The following CORIN variants were observed in gnomAD, a reference collection of about 807,000 sequenced individuals.
CORIN encodes corin, serine peptidase.
A neutral mutation model predicts 125.3 loss-of-function variants in CORIN; 117 were observed. The observed-to-expected ratio is 0.93, with a 90% CI of 0.80 to 1.09. CORIN has a LOEUF of 1.09. Among genes scored for constraint, CORIN ranks in the 50% least tolerant of loss-of-function variants. CORIN has a pLI of 0.00. For synonymous variants in CORIN, 450 were observed against 466.4 expected, an observed-to-expected ratio of 0.96 and a Z score of 0.45; for missense variants, 1,253 against 1,306.7, an observed-to-expected ratio of 0.96 and a Z score of 0.63.
chr4:47,719,701 G>T (rs916420969), intron 5 of CORIN, among the ~76,000 whole-genome samples: 11 of 152,138 alleles, frequency 7.2e-5, no homozygotes, highest in Non-Finnish European at 1.6e-4. Context: ...CTCTATTCAA[G>T]TTATACTCAG....
At chr4:47,744,373 T>C (rs1697683676) in intron 5 of CORIN, 29 bp downstream of exon 5, 1 of 1,599,664 alleles carries the variant, frequency 6.3e-7, no homozygotes, top group Non-Finnish European at 8.5e-7. Flanking sequence ...TAAAATCTTC[T>C]AAAAATGAAA....
In CORIN at chr4:47,605,037, TC is replaced by T. The variant is rs34293331; in HGVS notation, c.2541-1370del. ...GAGCATCCTCAACTCAGGAGCTATT[TC>T]CCCTGATGTTCCCCCAGCTCTCACA... is the stretch of plus-strand genomic sequence containing the variant. On this transcript the variant is annotated intron_variant, in intron 19 of 21. Transcript: ENST00000273857. Among the ~76,000 whole-genome samples, 90 of 152,226 alleles carry T rather than the reference TC, an allele frequency of 5.9e-4. 1 individual carries two copies. The highest frequency in any genetic ancestry group is 3.4e-3 in the Middle Eastern group (1 of 294).
At chr4:47,665,648 T>C (rs1724447338) in intron 10 of CORIN, among the ~76,000 whole-genome samples, 1 of 152,216 alleles carries the variant, frequency 6.6e-6, no homozygotes, top group Non-Finnish European at 1.5e-5. Context: ...ATCTTCACTG[T>C]CACTAAACTA....
At chr4:47,723,491 T>C (rs1474365587) in intron 5 of CORIN, among the ~76,000 whole-genome samples, 1 of 152,148 alleles carries the variant, frequency 6.6e-6, no homozygotes, top group Non-Finnish European at 1.5e-5. Flanking sequence ...CAGAGAGCAC[T>C]ACAAAGGCTT....
At chr4:47,669,785 G>A (rs113857429) in intron 10 of CORIN, among the ~76,000 whole-genome samples, 7,212 of 152,118 alleles carry the variant, frequency 0.047, 250 homozygotes, top group Non-Finnish European at 0.068. Flanking sequence ...TAGCCAGGAT[G>A]GTCTCAATTT....
chr4:47,645,279 TA>T, intron 13 of CORIN, 85 bp from the exon 14 acceptor site: 1 of 863,754 alleles, frequency 1.2e-6, no homozygotes. Flanking sequence ...AATTACGCTA[TA>T]AAGGCATGAT....
intron 3 of CORIN, among the ~76,000 whole-genome samples, chr4:47,779,214 C>G (rs906659092): frequency 1.3e-5 from 2 of 152,162 alleles, no homozygotes; most frequent in African/African-American, 4.8e-5. Context: ...CGCCTGTATT[C>G]CCAGCACTTT....
chr4:47,732,225 A>C (rs1036712778), intron 5 of CORIN, among the ~76,000 whole-genome samples: 1 of 152,202 alleles, frequency 6.6e-6, no homozygotes, highest in African/African-American at 2.4e-5. Context: ...GAGGGTGGCC[A>C]GGGCAGTGAC....
intron 1 of CORIN, among the ~76,000 whole-genome samples, chr4:47,832,199 A>G (rs753500537): frequency 6.6e-6 from 1 of 152,168 alleles, no homozygotes; most frequent in Non-Finnish European, 1.5e-5. Flanking sequence ...AGAACAATAC[A>G]TAAGCAAAAT....
intron 5 of CORIN, among the ~76,000 whole-genome samples, chr4:47,740,821 T>G (rs1728360622): frequency 6.6e-6 from 1 of 151,976 alleles, no homozygotes; most frequent in Non-Finnish European, 1.5e-5. Context: ...CAATTGTTTT[T>G]TAACAAGGGG....
At chr4:47,821,085 A>T (rs1732489215) in intron 1 of CORIN, among the ~76,000 whole-genome samples, 1 of 152,042 alleles carries the variant, frequency 6.6e-6, no homozygotes, top group Admixed American at 6.5e-5. Context: ...AAATACAAAA[A>T]TTAGCCAGAT....
At chr4:47,600,653 C>T (rs1351029831) in intron 20 of CORIN, among the ~76,000 whole-genome samples, 1 of 152,056 alleles carries the variant, frequency 6.6e-6, no homozygotes, top group Non-Finnish European at 1.5e-5. Context: ...ACAATAGCTA[C>T]TACAAAGAAA....
chr4:47,641,680 C>T (rs1723235538), intron 16 of CORIN, among the ~76,000 whole-genome samples: 2 of 152,160 alleles, frequency 1.3e-5, no homozygotes, highest in African/African-American at 4.8e-5. Flanking sequence ...TGCAGAAGTA[C>T]TTAAAATACA....
intron 8 of CORIN, chr4:47,679,835 T>C (rs1407727170): frequency 4.6e-6 from 1 of 217,244 alleles, no homozygotes; most frequent in Admixed American, 5.7e-5. Flanking sequence ...GCATCACCTT[T>C]GACAAAGTCA....
intron 5 of CORIN, among the ~76,000 whole-genome samples, chr4:47,731,051 A>G (rs1434938992): frequency 6.6e-6 from 1 of 152,198 alleles, no homozygotes; most frequent in Non-Finnish European, 1.5e-5. Context: ...TTGACAGTTG[A>G]ACCACTAAAA....
chr4:47,660,026 G>T (rs907441696), intron 12 of CORIN, among the ~76,000 whole-genome samples: 2 of 152,044 alleles, frequency 1.3e-5, no homozygotes, highest in African/African-American at 4.8e-5. Context: ...ACTGAGAAAA[G>T]AACTCATACA....
chr4:47,764,677 T>C (rs141160824), intron 3 of CORIN, among the ~76,000 whole-genome samples: 5 of 152,324 alleles, frequency 3.3e-5, no homozygotes, highest in African/African-American at 9.6e-5. Context: ...ACCTATGTCT[T>C]CTGAGTAATT....
intron 14 of CORIN, among the ~76,000 whole-genome samples, chr4:47,644,389 C>G (rs977617578): frequency 6.6e-6 from 1 of 152,148 alleles, no homozygotes; most frequent in African/African-American, 2.4e-5. Flanking sequence ...AAGAGTCCAC[C>G]TACTTGACTC....
chr4:47,611,405 G>A (rs1721863332), intron 19 of CORIN, among the ~76,000 whole-genome samples: 1 of 152,088 alleles, frequency 6.6e-6, no homozygotes, highest in Non-Finnish European at 1.5e-5. Flanking sequence ...TGCCTGTTGT[G>A]GTGTATAAAA....
Sources: allele counts gnomAD v4.1 joint callset (sites outside exome capture counted in the v4.1 genomes callset), GRCh38; gene constraint gnomAD v4.1.1; transcripts MANE v1.5; gene names NCBI Gene and HGNC (gene_info 2026-07-23, HGNC 2026-07-21).